Variants in RYR2 observed in about 807,000 individuals in gnomAD.
RYR2 encodes the protein ryanodine receptor 2, also known as cardiac muscle ryanodine receptor-calcium release channel.
In RYR2, 227 loss-of-function variants were observed where a neutral mutation model predicts 601.1. That is an observed-to-expected ratio of 0.38 (90% CI 0.34 to 0.42). The LOEUF (loss-of-function observed/expected upper bound fraction) is 0.42. RYR2 is among the 10% of genes least tolerant of loss of function. RYR2 has a pLI of 1.00. For missense variants in RYR2, 4,646 were observed against 6,156.5 expected (o/e 0.75, Z 8.21); for synonymous variants, 2,223 against 2,175.1 (o/e 1.02, Z -0.61).
chr1:237,068,685 C>G (rs537136615), intron 1 of RYR2, among the ~76,000 whole-genome samples: 83 of 152,252 alleles, frequency 5.5e-4, no homozygotes, highest in African/African-American at 1.9e-3. Context: ...TCAAAAAAGT[C>G]TTTACTGTGT....
intron 29 of RYR2, among the ~76,000 whole-genome samples, chr1:237,582,269 AT>A (rs34174618): frequency 3.1e-4 from 45 of 147,494 alleles, no homozygotes; most frequent in South Asian, 4.3e-4. Context: ...CACCCAGATA[AT>A]TTTTTTTTTT....
chr1:237,453,507 A>G (rs1343828334), intron 14 of RYR2, among the ~76,000 whole-genome samples: 1 of 152,168 alleles, frequency 6.6e-6, no homozygotes, highest in Non-Finnish European at 1.5e-5. Flanking sequence ...GCTTGAAATA[A>G]AATGTTACCA....
chr1:237,124,662 C>A (rs1671203564), intron 1 of RYR2, among the ~76,000 whole-genome samples: 1 of 152,182 alleles, frequency 6.6e-6, no homozygotes, highest in East Asian at 1.9e-4. Context: ...TTCTCACATC[C>A]TATCACGCTG....
chr1:237,706,117 T>A (rs1350221748), intron 67 of RYR2, among the ~76,000 whole-genome samples: 1 of 151,998 alleles, frequency 6.6e-6, no homozygotes, highest in Non-Finnish European at 1.5e-5. Context: ...GGCGTGGTGG[T>A]GTGTGCCTGT....
chr1:237,600,857 A>C (rs1027557043), intron 34 of RYR2, among the ~76,000 whole-genome samples: 5 of 152,216 alleles, frequency 3.3e-5, no homozygotes, highest in African/African-American at 1.2e-4. Flanking sequence ...CAACATCACT[A>C]ATCATCAGCA....
chr1:237,760,842 C>A (rs995938916), intron 83 of RYR2, 113 bp from the exon 84 acceptor site: 3 of 479,020 alleles, frequency 6.3e-6, no homozygotes, highest in Non-Finnish European at 1.1e-5. Context: ...TTTCAGTGTA[C>A]GTTAACATTT....
intron 92 of RYR2, among the ~76,000 whole-genome samples, chr1:237,790,044 G>A (rs1390126527): frequency 6.6e-6 from 1 of 152,168 alleles, no homozygotes; most frequent in African/African-American, 2.4e-5. Context: ...ATTCTGAGGT[G>A]TTACATTTTG....
intron 8 of RYR2, among the ~76,000 whole-genome samples, chr1:237,387,062 T>C (rs1295626070): frequency 4.6e-5 from 7 of 152,260 alleles, no homozygotes; most frequent in Non-Finnish European, 1.0e-4. Context: ...ATTATTGACT[T>C]AAGTCAGTAA....
Position 237,566,144 on chromosome 1 carries a change from CT to C in RYR2, c.3215-421del, listed in dbSNP as rs946111413. ...GTTTCTCTTCTCTTCCTTGCTTCGT[CT>C]TCCCTCTTCTCTCTCACCCGTACAT... is the stretch of plus-strand genomic sequence containing the variant. On this transcript the variant is annotated intron_variant, in intron 27 of 104. Coordinates refer to ENST00000366574, the MANE Select transcript of RYR2 (RefSeq NM_001035.3). Among the ~76,000 whole-genome samples, 8 of 152,284 alleles carry C rather than the reference CT, an allele frequency of 5.3e-5. No individual in the cohort carries two copies. The Middle Eastern group carries it at 0.01, about 194-fold the overall frequency.
At chr1:237,430,456 A>G (rs983980830) in intron 12 of RYR2, among the ~76,000 whole-genome samples, 3 of 152,104 alleles carry the variant, frequency 2.0e-5, no homozygotes, top group Non-Finnish European at 4.4e-5. Context: ...AAATCTTCAT[A>G]CTTGTGTTTG....
chr1:237,153,439 C>T (rs1674959706), intron 1 of RYR2, among the ~76,000 whole-genome samples: 1 of 152,016 alleles, frequency 6.6e-6, no homozygotes, highest in Non-Finnish European at 1.5e-5. Context: ...AACGATGGAC[C>T]TTTATTACCC....
At chr1:237,560,897 C>G (rs1164968125) in intron 27 of RYR2, among the ~76,000 whole-genome samples, 1 of 152,152 alleles carries the variant, frequency 6.6e-6, no homozygotes, top group Non-Finnish European at 1.5e-5. Context: ...GTTAGAGACT[C>G]TGAGTTAGTG....
At chr1:237,808,042 G>A (rs990964389) in intron 99 of RYR2, among the ~76,000 whole-genome samples, 1 of 151,926 alleles carries the variant, frequency 6.6e-6, no homozygotes, top group Non-Finnish European at 1.5e-5. Flanking sequence ...AGTATAATTT[G>A]GAATTAAAAA....
intron 58 of RYR2, among the ~76,000 whole-genome samples, chr1:237,669,245 G>A (rs1396960780): frequency 6.6e-6 from 1 of 151,714 alleles, no homozygotes; most frequent in Non-Finnish European, 1.5e-5. Flanking sequence ...TCTTAGTACA[G>A]AACAAAATGA....
intron 36 of RYR2, 53 bp from the exon 37 acceptor site, chr1:237,613,986 T>C: frequency 6.5e-7 from 1 of 1,528,026 alleles, no homozygotes. Context: ...CTGATTCAGA[T>C]TTTAAAAAAT....
At chr1:237,235,489 T>C (rs1053847721) in intron 1 of RYR2, among the ~76,000 whole-genome samples, 3 of 152,232 alleles carry the variant, frequency 2.0e-5, no homozygotes, top group African/African-American at 4.8e-5. Flanking sequence ...TCAAAGTGGT[T>C]CCCAGATATT....
chr1:237,224,712 A>G (rs1029507204), intron 1 of RYR2, among the ~76,000 whole-genome samples: 1 of 152,132 alleles, frequency 6.6e-6, no homozygotes. Context: ...TTTTAAAAAA[A>G]AGTTAGGTGT....
intron 27 of RYR2, among the ~76,000 whole-genome samples, chr1:237,554,426 T>C (rs1193949890): frequency 6.6e-6 from 1 of 151,932 alleles, no homozygotes; most frequent in African/African-American, 2.4e-5. Flanking sequence ...GTAGCTAAGT[T>C]TATGGGCAAT....
At chr1:237,486,329 G>A (rs1558900915) in intron 17 of RYR2, among the ~76,000 whole-genome samples, 1 of 152,078 alleles carries the variant, frequency 6.6e-6, no homozygotes. Context: ...TCACTACTAA[G>A]GTAAATCATG....
Sources: allele counts gnomAD v4.1 joint callset (sites outside exome capture counted in the v4.1 genomes callset), GRCh38; gene constraint gnomAD v4.1.1; transcripts MANE v1.5; gene names NCBI Gene and HGNC (gene_info 2026-07-23, HGNC 2026-07-21).